The following KCNQ5 variants were observed in gnomAD, a reference collection of about 807,000 sequenced individuals.
The protein encoded by KCNQ5 is potassium voltage-gated channel subfamily Q member 5, also known as potassium voltage-gated channel subfamily KQT member 5.
In KCNQ5, 30 loss-of-function variants were observed where a neutral mutation model predicts 98.2. The observed-to-expected ratio is 0.31, with a 90% CI of 0.23 to 0.41. The LOEUF (loss-of-function observed/expected upper bound fraction) is 0.41. Ranked by LOEUF, KCNQ5 falls within the 10% of genes least tolerant of loss-of-function variation. KCNQ5 has a pLI of 1.00. For synonymous variants in KCNQ5, 458 were observed against 449.4 expected, an observed-to-expected ratio of 1.02 and a Z score of -0.24; for missense variants, 835 against 1,182.5, an observed-to-expected ratio of 0.71 and a Z score of 4.31.
intron 10 of KCNQ5, chr6:73,157,709 C>T (rs1777424007): frequency 1.3e-6 from 1 of 776,258 alleles, no homozygotes; most frequent in Admixed American, 1.7e-5. Context: ...GGCATCAGAG[C>T]AGCCCCCATC....
chr6:73,092,236 G>C (rs896858091), intron 5 of KCNQ5, among the ~76,000 whole-genome samples: 2 of 152,170 alleles, frequency 1.3e-5, no homozygotes, highest in African/African-American at 2.4e-5. Flanking sequence ...TTTATATCCA[G>C]AAAGTTTGCT....
At chr6:73,010,194 T>G (rs1168092620) in intron 2 of KCNQ5, among the ~76,000 whole-genome samples, 1 of 152,004 alleles carries the variant, frequency 6.6e-6, no homozygotes, top group Non-Finnish European at 1.5e-5. Context: ...AAAGAATAAT[T>G]CAACACACAA....
At chr6:72,790,787 A>C (rs1400478900) in intron 1 of KCNQ5, among the ~76,000 whole-genome samples, 1 of 152,230 alleles carries the variant, frequency 6.6e-6, no homozygotes, top group Non-Finnish European at 1.5e-5. Flanking sequence ...CATTTAGAAC[A>C]TTAAGGACAT....
intron 5 of KCNQ5, among the ~76,000 whole-genome samples, chr6:73,097,142 C>CATATATATATATATATATATGTAT (rs70994161): frequency 2.5e-5 from 3 of 121,858 alleles, no homozygotes; most frequent in Non-Finnish European, 5.3e-5. Flanking sequence ...CAATAGATCT[C>CATATATATATATATATATATGTAT]ATATATATAT....
intron 10 of KCNQ5, among the ~76,000 whole-genome samples, chr6:73,168,894 T>C (rs1476892785): frequency 2.0e-5 from 3 of 152,214 alleles, no homozygotes; most frequent in Non-Finnish European, 4.4e-5. Flanking sequence ...TTTAACAATA[T>C]ACTGTGACAC....
At chr6:72,689,729 C>T (rs1768120238) in intron 1 of KCNQ5, among the ~76,000 whole-genome samples, 1 of 151,388 alleles carries the variant, frequency 6.6e-6, no homozygotes, top group Non-Finnish European at 1.5e-5. Context: ...AGTGACATTG[C>T]ATGCAGTTTT....
intron 1 of KCNQ5, among the ~76,000 whole-genome samples, chr6:72,951,138 A>G (rs1766782362): frequency 6.6e-6 from 1 of 152,190 alleles, no homozygotes; most frequent in African/African-American, 2.4e-5. Flanking sequence ...ACAAGTGTGG[A>G]TATTGTCCCA....
chr6:72,734,189 G>A, intron 1 of KCNQ5, among the ~76,000 whole-genome samples: 1 of 152,204 alleles, frequency 6.6e-6, no homozygotes, highest in East Asian at 1.9e-4. Flanking sequence ...GAGGAGCTTT[G>A]TAATACTGTG....
At chr6:72,796,162 T>C (rs563527181) in intron 1 of KCNQ5, among the ~76,000 whole-genome samples, 4 of 152,198 alleles carry the variant, frequency 2.6e-5, no homozygotes, top group Non-Finnish European at 5.9e-5. Context: ...TTGCCTATTA[T>C]AGGCAAGTCA....
intron 9 of KCNQ5, chr6:73,124,747 G>A: frequency 3.7e-6 from 2 of 541,040 alleles, no homozygotes; most frequent in South Asian, 4.7e-5. Context: ...TGGAACATTT[G>A]GAGGTGGGGG....
At chr6:73,021,614 A>C (rs1216007496) in intron 2 of KCNQ5, among the ~76,000 whole-genome samples, 1 of 152,174 alleles carries the variant, frequency 6.6e-6, no homozygotes, top group African/African-American at 2.4e-5. Context: ...GGAGCAAAAG[A>C]GATGCAAGAT....
rs547724893 is a variant in KCNQ5 at position 72,725,749 on chromosome 6, C to T, written c.398+103162C>T. Among the ~76,000 whole-genome samples, 26 of 152,070 alleles carry T rather than the reference C, an allele frequency of 1.7e-4. 1 individual carries two copies. The South Asian group carries it at 4.0e-3, about 23-fold the overall frequency. On this transcript the variant is annotated intron_variant, in intron 1 of 13. Transcript: ENST00000370398. ...TTAGCTTGATGTAATCATTCCACAG[C>T]GTAAAAATATATCAAAACTTCACAT...
chr6:72,700,615 T>G (rs1418439977), intron 1 of KCNQ5, among the ~76,000 whole-genome samples: 1 of 152,208 alleles, frequency 6.6e-6, no homozygotes, highest in Non-Finnish European at 1.5e-5. Flanking sequence ...TAGAAATGAC[T>G]TTTTAAACCT....
At chr6:73,157,631 G>A (rs1481852376) in intron 10 of KCNQ5, 2 of 774,648 alleles carry the variant, frequency 2.6e-6, no homozygotes, top group Non-Finnish European at 4.8e-6. Context: ...GGTGAACGCA[G>A]CATGGGTGAT....
chr6:72,626,209 A>G (rs2098917926), intron 1 of KCNQ5, among the ~76,000 whole-genome samples: 1 of 152,252 alleles, frequency 6.6e-6, no homozygotes, highest in South Asian at 2.1e-4. Context: ...TTACAAAGTG[A>G]CATGAGAAAA....
chr6:73,133,577 C>T lies in KCNQ5; in HGVS notation c.1404C>T (p.Asn468=), dbSNP rs143322043. Reference sequence around the variant, plus strand: ...AAGTGCAGAAGAGCTGGAGCTTCAACGACCGAACCCGCTTCCGGCCCTCGC... The same window carrying T: ...AAGTGCAGAAGAGCTGGAGCTTCAATGACCGAACCCGCTTCCGGCCCTCGC... ...PTKVQKSWSF[N]DRTRFRPSLR... is the part of the protein sequence containing the mutation. The change falls in exon 10 of 14, where the codon AAC becomes AAT. Residue 468 remains asparagine, a synonymous_variant. Coordinates refer to ENST00000370398, the MANE Select transcript of KCNQ5 (RefSeq NM_019842.4). 710 of 1,614,092 alleles carry T rather than the reference C, an allele frequency of 4.4e-4. No individual in the cohort carries two copies. The highest frequency in any genetic ancestry group is 5.6e-4 in the Non-Finnish European group (656 of 1,180,044).
intron 1 of KCNQ5, among the ~76,000 whole-genome samples, chr6:72,780,377 A>T (rs1773398612): frequency 6.6e-6 from 1 of 152,238 alleles, no homozygotes. Flanking sequence ...GCCAATAAAT[A>T]ATCACAAGCA....
At chr6:72,874,206 G>A (rs906632380) in intron 1 of KCNQ5, among the ~76,000 whole-genome samples, 1 of 151,876 alleles carries the variant, frequency 6.6e-6, no homozygotes. Flanking sequence ...GGAAAATAAA[G>A]GAATATCAGG....
At chr6:72,811,999 C>T (rs1286191984) in intron 1 of KCNQ5, among the ~76,000 whole-genome samples, 1 of 152,078 alleles carries the variant, frequency 6.6e-6, no homozygotes, top group African/African-American at 2.4e-5. Flanking sequence ...GGTTTCCTCC[C>T]CTTTTTAGAC....
Sources: gnomAD v4.1 joint callset for allele counts (sites outside exome capture counted in the v4.1 genomes callset) on GRCh38, gnomAD v4.1.1 for gene constraint, MANE v1.5 for transcripts, NCBI Gene and HGNC (gene_info 2026-07-23, HGNC 2026-07-21) for gene names.